NELL2: variants seen among roughly 807,000 people sequenced by gnomAD.
NELL2 encodes the protein neural EGFL like 2.
NELL2 carries 41 observed loss-of-function variants against 109.6 expected under a neutral mutation model. That is an observed-to-expected ratio of 0.37 (90% CI 0.29 to 0.49). The LOEUF is 0.49. Ranked by LOEUF, NELL2 falls within the 20% of genes least tolerant of loss-of-function variation. NELL2 has a pLI of 0.98. For synonymous variants in NELL2, 355 were observed against 344.7 expected, an observed-to-expected ratio of 1.03 and a Z score of -0.33; for missense variants, 900 against 1,008.3, an observed-to-expected ratio of 0.89 and a Z score of 1.45.
At chr12:44,716,819 G>A (rs1938513682) in intron 9 of NELL2, among the ~76,000 whole-genome samples, 1 of 151,918 alleles carries the variant, frequency 6.6e-6, no homozygotes, top group Admixed American at 6.6e-5. Context: ...GAGGGGAAAG[G>A]AAACATTGTA....
chr12:44,836,871 TGAA>T (rs1944069566), intron 2 of NELL2, among the ~76,000 whole-genome samples: 1 of 152,190 alleles, frequency 6.6e-6, no homozygotes, highest in South Asian at 2.1e-4. Context: ...TAAAAAGAGA[TGAA>T]GAAGGAGCAT....
chr12:44,622,511 T>A (rs1339635976), intron 13 of NELL2, among the ~76,000 whole-genome samples: 1 of 152,072 alleles, frequency 6.6e-6, no homozygotes, highest in East Asian at 1.9e-4. Context: ...ATAAATAAGA[T>A]TAAAGAGTAC....
At chr12:44,754,833 A>T (rs1940812125) in intron 9 of NELL2, among the ~76,000 whole-genome samples, 1 of 152,216 alleles carries the variant, frequency 6.6e-6, no homozygotes. Context: ...CTCAGCAATG[A>T]AAAATATAAA....
At position 44,550,362 on chromosome 12, in the gene NELL2, T is replaced by A. The variant is rs935278413; in HGVS notation, c.1664-17641A>T. On this transcript the variant is annotated intron_variant, in intron 15 of 19. Transcript: ENST00000429094. Reference sequence around the variant, plus strand: ...CTGAACTCTCACCTTCACTGCAGCATTATTAAAATAGCCAAACTGGGATTA... The same window carrying A: ...CTGAACTCTCACCTTCACTGCAGCAATATTAAAATAGCCAAACTGGGATTA... 1.3e-4 allele frequency among the ~76,000 whole-genome samples: 20 copies of A among 151,546 alleles called. 1 individual carries two copies. Among genetic ancestry groups the A allele is most frequent in the Admixed American group, 1.3e-3 (20 of 15,196 alleles).
At chr12:44,736,453 C>T (rs1404123244) in intron 9 of NELL2, among the ~76,000 whole-genome samples, 1 of 151,980 alleles carries the variant, frequency 6.6e-6, no homozygotes, top group Non-Finnish European at 1.5e-5. Context: ...GCAAAGTAGA[C>T]ACTAACAGTA....
intron 9 of NELL2, among the ~76,000 whole-genome samples, chr12:44,762,033 T>A (rs1433150645): frequency 6.6e-6 from 1 of 151,964 alleles, no homozygotes; most frequent in Non-Finnish European, 1.5e-5. Flanking sequence ...TCTATAAAAA[T>A]AAAATACATT....
At chr12:44,915,602 T>C (rs1945823023), upstream of NELL2, among the ~76,000 whole-genome samples, 1 of 152,192 alleles carries the variant, frequency 6.6e-6, no homozygotes. Context: ...GAATTGAAAG[T>C]AATATACTTG....
At chr12:44,832,170 AGCCCCAAAATTGGCCTTT>A (rs1008991136) in intron 2 of NELL2, among the ~76,000 whole-genome samples, 2 of 152,226 alleles carry the variant, frequency 1.3e-5, no homozygotes, top group Non-Finnish European at 1.5e-5. Flanking sequence ...TATAAGAATG[AGCCCCAAAATTGGCCTTT>A]GGGGCCACAG....
At chr12:44,609,211 A>T (rs561411175) in intron 14 of NELL2, among the ~76,000 whole-genome samples, 2 of 151,952 alleles carry the variant, frequency 1.3e-5, no homozygotes, top group East Asian at 3.9e-4. Context: ...TGGCCCCCCA[A>T]AGTGCTAGGA....
chr12:44,650,937 A>G (rs899406092), intron 13 of NELL2, among the ~76,000 whole-genome samples: 16 of 152,208 alleles, frequency 1.1e-4, no homozygotes, highest in African/African-American at 3.9e-4. Flanking sequence ...AATTTCTGTT[A>G]TTTAAGCCGG....
chr12:44,525,044 A>G (rs1941705824), intron 16 of NELL2, among the ~76,000 whole-genome samples: 1 of 152,210 alleles, frequency 6.6e-6, no homozygotes, highest in Non-Finnish European at 1.5e-5. Flanking sequence ...AAGCCAGAAA[A>G]ACATAAACAA....
chr12:44,529,388 G>A (rs758188705), intron 16 of NELL2, among the ~76,000 whole-genome samples: 8 of 152,126 alleles, frequency 5.3e-5, no homozygotes, highest in African/African-American at 9.7e-5. Context: ...TGTTTTAGTC[G>A]TATTAAGTCT....
intron 13 of NELL2, 70 bp downstream of exon 13, chr12:44,665,414 A>G: frequency 1.5e-6 from 2 of 1,369,982 alleles, no homozygotes; most frequent in Non-Finnish European, 2.0e-6. Context: ...AAAAAATGAG[A>G]GTCAAAGAAA....
At chr12:44,786,382 T>A (rs1282008366) in intron 3 of NELL2, among the ~76,000 whole-genome samples, 3 of 151,974 alleles carry the variant, frequency 2.0e-5, no homozygotes, top group African/African-American at 7.2e-5. Context: ...AACAACAGAT[T>A]CTGGAGGGGA....
chr12:44,728,298 A>T (rs187998418), intron 9 of NELL2, among the ~76,000 whole-genome samples: 91 of 152,182 alleles, frequency 6.0e-4, no homozygotes, highest in African/African-American at 1.8e-3. Flanking sequence ...GTAATTTTTT[A>T]AAATGACCAA....
intron 15 of NELL2, among the ~76,000 whole-genome samples, chr12:44,599,794 A>G (rs1012726222): frequency 1.8e-4 from 28 of 152,090 alleles, no homozygotes; most frequent in African/African-American, 6.8e-4. Context: ...TTGAAACCAC[A>G]TACTCCAAAG....
At chr12:44,761,300 G>A (rs922634974) in intron 9 of NELL2, among the ~76,000 whole-genome samples, 4 of 152,138 alleles carry the variant, frequency 2.6e-5, no homozygotes, top group African/African-American at 9.7e-5. Flanking sequence ...CCCGGGAGGC[G>A]GAGGTTGCGG....
At chr12:44,590,724 G>A (rs1039801324) in intron 15 of NELL2, among the ~76,000 whole-genome samples, 2 of 151,924 alleles carry the variant, frequency 1.3e-5, no homozygotes, top group Non-Finnish European at 2.9e-5. Flanking sequence ...AGATTTTATG[G>A]GTAAGACCTC....
At chr12:44,639,660 T>A (rs149997369) in intron 13 of NELL2, among the ~76,000 whole-genome samples, 380 of 152,290 alleles carry the variant, frequency 2.5e-3, no homozygotes, top group African/African-American at 8.7e-3. Context: ...CTAATCTGAA[T>A]TACCACCATC....
Sources: allele counts gnomAD v4.1 joint callset (sites outside exome capture counted in the v4.1 genomes callset), GRCh38; gene constraint gnomAD v4.1.1; transcripts MANE v1.5; gene names NCBI Gene and HGNC (gene_info 2026-07-23, HGNC 2026-07-21).